Variants in KLHL8 observed in about 807,000 individuals in gnomAD.
The protein encoded by KLHL8 is kelch like family member 8, also known as kelch-like protein 8.
A neutral mutation model predicts 63.5 loss-of-function variants in KLHL8; 38 were observed. The ratio of observed to expected loss-of-function variants is 0.60; its 90% confidence interval spans 0.46 to 0.78. The LOEUF is 0.78. Ranked by LOEUF, KLHL8 falls within the 30% of genes least tolerant of loss-of-function variation. The pLI, the probability that KLHL8 is intolerant of heterozygous loss-of-function variation, is 0.00. For missense variants in KLHL8, 566 were observed against 752.4 expected, an observed-to-expected ratio of 0.75 and a Z score of 2.90; for synonymous variants, 224 against 254.3, an observed-to-expected ratio of 0.88 and a Z score of 1.13.
At chr4:87,212,368 C>T (rs1007455930) in intron 1 of KLHL8, among the ~76,000 whole-genome samples, 1 of 152,022 alleles carries the variant, frequency 6.6e-6, no homozygotes, top group African/African-American at 2.4e-5. Context: ...CTTGAGCCTA[C>T]CAGGAGTTCA....
chr4:87,233,324 A>G (rs1733170526), intron 1 of KLHL8, among the ~76,000 whole-genome samples: 1 of 152,208 alleles, frequency 6.6e-6, no homozygotes, highest in South Asian at 2.1e-4. Context: ...TGCGTGGCTC[A>G]TGCCTATAAT....
At chr4:87,175,049 A>G (rs1428068411) in intron 6 of KLHL8, among the ~76,000 whole-genome samples, 1 of 152,198 alleles carries the variant, frequency 6.6e-6, no homozygotes, top group Non-Finnish European at 1.5e-5. Context: ...TTTTTCTTAC[A>G]TGCATTCCAG....
chr4:87,165,532 T>C (rs891780228), intron 8 of KLHL8, among the ~76,000 whole-genome samples: 1 of 151,810 alleles, frequency 6.6e-6, no homozygotes, highest in Non-Finnish European at 1.5e-5. Flanking sequence ...TAGCTGGAAC[T>C]ATAGGCATAT....
At chr4:87,188,957 C>T (rs538891902) in intron 2 of KLHL8, among the ~76,000 whole-genome samples, 6 of 152,174 alleles carry the variant, frequency 3.9e-5, no homozygotes, top group South Asian at 4.2e-4. Context: ...GATAGTATTA[C>T]GAAAGAAAAA....
rs567817888 is a variant in KLHL8 at position 87,209,655 on chromosome 4, T to C, written c.-152+10763A>G. 3.9e-5 allele frequency among the ~76,000 whole-genome samples: 6 copies of C among 152,336 alleles called. No individual in the cohort carries two copies. In the East Asian group the frequency reaches 1.2e-3, roughly 29 times the overall value. ...CGTTCTCTAGCTTCCTTTGTACTTA[T>C]AATTTCTATCACATTTAGCATGTGA... On this transcript the variant is annotated intron_variant, in intron 1 of 9. Coordinates refer to ENST00000273963, the MANE Select transcript of KLHL8 (RefSeq NM_020803.5).
Position 87,207,667 on chromosome 4 carries a change from C to G in KLHL8, c.-151-11977G>C, listed in dbSNP as rs191655348. 550 of 1,153,098 alleles carry G rather than the reference C, an allele frequency of 4.8e-4. 1 individual carries two copies. In the African/African-American group the frequency reaches 7.1e-3, roughly 15 times the overall value. 71.4% of individuals were successfully genotyped at this position (1,153,098 alleles called of 1,614,324 possible). A position where few individuals can be genotyped will look rare whatever the true frequency, so the allele number is the denominator to read the frequency against. Reference sequence around the variant, plus strand: ...GACTGTGGATGGCCCCTCTGGGAAACTGTGGCGTGACAGCTGCAGGGCTCT... The same window carrying G: ...GACTGTGGATGGCCCCTCTGGGAAAGTGTGGCGTGACAGCTGCAGGGCTCT... On this transcript the variant is annotated intron_variant, in intron 1 of 9. Coordinates refer to ENST00000273963, the MANE Select transcript of KLHL8 (RefSeq NM_020803.5).
intron 1 of KLHL8, among the ~76,000 whole-genome samples, chr4:87,202,692 A>C (rs1301718398): frequency 6.6e-6 from 1 of 152,190 alleles, no homozygotes; most frequent in Non-Finnish European, 1.5e-5. Flanking sequence ...TTTGAAAAGC[A>C]ATCTTCAAGC....
chr4:87,203,310 G>A (rs1731989572), intron 1 of KLHL8, among the ~76,000 whole-genome samples: 1 of 152,028 alleles, frequency 6.6e-6, no homozygotes, highest in Admixed American at 6.6e-5. Flanking sequence ...GGCCGAGATG[G>A]GCGGTTCACA....
chr4:87,165,139 G>C (rs376387302), intron 8 of KLHL8, among the ~76,000 whole-genome samples: 23 of 101,472 alleles, frequency 2.3e-4, no homozygotes, highest in African/African-American at 7.1e-4. Context: ...GACAGAGCAA[G>C]ACTCTGTCTC....
At chr4:87,174,708 A>T (rs540084826) in intron 6 of KLHL8, among the ~76,000 whole-genome samples, 1 of 152,226 alleles carries the variant, frequency 6.6e-6, no homozygotes, top group Non-Finnish European at 1.5e-5. Context: ...ATCTAGTTTT[A>T]TACAAATTAT....
At chr4:87,168,569 T>C (rs1242411099) in intron 8 of KLHL8, among the ~76,000 whole-genome samples, 3 of 152,002 alleles carry the variant, frequency 2.0e-5, no homozygotes, top group Non-Finnish European at 4.4e-5. Flanking sequence ...TAGCACAAAC[T>C]GCTGCATGCT....
At chr4:87,211,199 C>T (rs1332342074) in intron 1 of KLHL8, among the ~76,000 whole-genome samples, 4 of 152,146 alleles carry the variant, frequency 2.6e-5, no homozygotes, top group Non-Finnish European at 5.9e-5. Context: ...TTAATGTATG[C>T]TTAAATAATT....
chr4:87,231,590 C>T (rs1356145499), intron 1 of KLHL8, among the ~76,000 whole-genome samples: 1 of 152,030 alleles, frequency 6.6e-6, no homozygotes. Context: ...CTTCTATGTC[C>T]CACAAATACT....
At chr4:87,227,784 T>G (rs1417745080) in intron 1 of KLHL8, among the ~76,000 whole-genome samples, 1 of 152,206 alleles carries the variant, frequency 6.6e-6, no homozygotes, top group Non-Finnish European at 1.5e-5. Context: ...GCAATGAAAA[T>G]AAGCTTTTAT....
At position 87,163,886 on chromosome 4, in the gene KLHL8, C is replaced by T; in HGVS notation, c.1731G>A (p.Val577=). Residue 577 remains valine (V), a synonymous_variant, in exon 9 of 10, where the codon GTG becomes GTA. Coordinates refer to ENST00000273963, the MANE Select transcript of KLHL8 (RefSeq NM_020803.5). ...YLNTVEAFDP[V]LNRWELVGSV... is the part of the protein sequence containing the mutation. ...GACAACATGTAAATTACCTATTCAG[C>T]ACTGGATCAAACGCTTCTACTGTAT... 1 of 1,613,678 alleles carries T rather than the reference C, an allele frequency of 6.2e-7. No homozygotes were observed. The highest frequency in any genetic ancestry group is 1.7e-5 in the Admixed American group (1 of 60,016).
intron 6 of KLHL8, among the ~76,000 whole-genome samples, chr4:87,170,981 G>A (rs1037767801): frequency 1.3e-5 from 2 of 152,174 alleles, no homozygotes; most frequent in South Asian, 4.1e-4. Context: ...CTGCAGCGGA[G>A]GTCAGAAGCC....
chr4:87,209,183 A>AT (rs35072071), intron 1 of KLHL8, among the ~76,000 whole-genome samples: 51,637 of 151,898 alleles, frequency 0.34, 9,722 homozygotes, highest in Middle Eastern at 0.54. Context: ...AACAATCAGA[A>AT]TTTTTTTAAA....
In KLHL8 at chr4:87,176,873, C is replaced by CAAAT. The variant is rs758431270; in HGVS notation, c.1097-9_1097-6dup. 2.0e-6 allele frequency: 3 copies of CAAAT among 1,482,984 alleles called. No homozygotes were observed. The highest frequency in any genetic ancestry group is 2.8e-6 in the Non-Finnish European group (3 of 1,078,886). 91.9% of individuals were successfully genotyped at this position (1,482,984 alleles called of 1,614,324 possible). ...CACCTACTGCATACACTTTACCTGT[C>CAAAT]AAATAGAGAAGTATTTTCATTTGAC... On this transcript the variant is annotated splice_region_variant and splice_polypyrimidine_tract_variant and intron_variant, in intron 5 of 9. Transcript: ENST00000273963.
In KLHL8 at chr4:87,196,804, T is replaced by C. The variant is rs543558561; in HGVS notation, c.-151-1114A>G. ...GGCTGTGTAATTTTTTTTGAGGCTG[T>C]GTAATTTGTAAAACTGAGGCTTTAC... On this transcript the variant is annotated intron_variant, in intron 1 of 9. Transcript: ENST00000273963. Among the ~76,000 whole-genome samples, 122 of 152,316 alleles carry C rather than the reference T, an allele frequency of 8.0e-4. 1 individual carries two copies. The highest frequency in any genetic ancestry group is 2.8e-3 in the African/African-American group (115 of 41,566).
Sources: allele counts gnomAD v4.1 joint callset (sites outside exome capture counted in the v4.1 genomes callset), GRCh38; gene constraint gnomAD v4.1.1; transcripts MANE v1.5; gene names NCBI Gene and HGNC (gene_info 2026-07-23, HGNC 2026-07-21).